The following MARCHF1 variants were observed in gnomAD, a reference collection of about 807,000 sequenced individuals.
The protein encoded by MARCHF1 is membrane associated ring-CH-type finger 1.
A neutral mutation model predicts 54.2 loss-of-function variants in MARCHF1; 40 were observed. The observed-to-expected ratio is 0.74, with a 90% confidence interval of 0.57 to 0.96. The LOEUF (loss-of-function observed/expected upper bound fraction) is 0.96. MARCHF1 is among the 40% of genes least tolerant of loss of function. MARCHF1 has a pLI of 0.00. For missense variants in MARCHF1, 586 were observed against 656.5 expected (o/e 0.89, Z 1.17); for synonymous variants, 236 against 236.3 (o/e 1.00, Z 0.01).
intron 1 of MARCHF1, among the ~76,000 whole-genome samples, chr4:164,192,102 G>A (rs548007724): frequency 6.6e-6 from 1 of 152,178 alleles, no homozygotes; most frequent in African/African-American, 2.4e-5. Context: ...ACATTGCAGT[G>A]CATTCCCAAG....
At chr4:163,843,127 T>C (rs1332575362) in intron 4 of MARCHF1, among the ~76,000 whole-genome samples, 1 of 152,202 alleles carries the variant, frequency 6.6e-6, no homozygotes, top group African/African-American at 2.4e-5. Flanking sequence ...TTTGGTTTTC[T>C]GTTCCTGTGT....
chr4:164,128,033 A>C (rs1032037003), intron 1 of MARCHF1, among the ~76,000 whole-genome samples: 1 of 152,188 alleles, frequency 6.6e-6, no homozygotes, highest in Non-Finnish European at 1.5e-5. Flanking sequence ...CAAGAATTAG[A>C]CTCATCAATA....
At chr4:164,047,754 T>C (rs945338139) in intron 2 of MARCHF1, among the ~76,000 whole-genome samples, 5 of 152,176 alleles carry the variant, frequency 3.3e-5, no homozygotes, top group African/African-American at 1.2e-4. Context: ...AAATCCAGAG[T>C]AAAATGACTT....
intron 5 of MARCHF1, among the ~76,000 whole-genome samples, chr4:163,632,269 C>T (rs902476624): frequency 4.6e-5 from 7 of 152,132 alleles, no homozygotes; most frequent in South Asian, 2.1e-4. Context: ...GGAACAGCTC[C>T]GGTCTACAGC....
At chr4:164,218,095 A>G (rs1579631948) in intron 1 of MARCHF1, among the ~76,000 whole-genome samples, 2 of 152,182 alleles carry the variant, frequency 1.3e-5, no homozygotes, top group Admixed American at 1.3e-4. Flanking sequence ...AACGTGCTAA[A>G]TTTCCCTGCA....
intron 2 of MARCHF1, among the ~76,000 whole-genome samples, chr4:164,005,074 T>C (rs1683533215): frequency 6.7e-6 from 1 of 149,870 alleles, no homozygotes; most frequent in African/African-American, 2.5e-5. Flanking sequence ...GATAAATAAA[T>C]CAAAAGAAAA....
intron 1 of MARCHF1, among the ~76,000 whole-genome samples, chr4:164,195,913 T>C (rs1436894416): frequency 6.6e-6 from 1 of 152,194 alleles, no homozygotes; most frequent in Non-Finnish European, 1.5e-5. Flanking sequence ...TAATAACTGC[T>C]TTATTACTAG....
intron 5 of MARCHF1, among the ~76,000 whole-genome samples, chr4:163,678,651 C>T (rs1272462785): frequency 1.3e-5 from 2 of 152,146 alleles, no homozygotes; most frequent in African/African-American, 2.4e-5. Flanking sequence ...ATAAAGCTGA[C>T]AGTAGTGCAT....
chr4:164,363,709 C>T (rs1009778405), intron 1 of MARCHF1, among the ~76,000 whole-genome samples: 2 of 151,808 alleles, frequency 1.3e-5, no homozygotes, highest in East Asian at 3.9e-4. Context: ...TAAACAAAAC[C>T]GTCATTCAAT....
At chr4:163,965,500 G>A (rs1010928169) in intron 3 of MARCHF1, among the ~76,000 whole-genome samples, 1 of 151,994 alleles carries the variant, frequency 6.6e-6, no homozygotes, top group African/African-American at 2.4e-5. Flanking sequence ...CAGAGTCTGG[G>A]TTCCTTATGG....
chr4:164,377,457 A>G (rs1731225073), intron 1 of MARCHF1, among the ~76,000 whole-genome samples: 1 of 152,194 alleles, frequency 6.6e-6, no homozygotes, highest in Non-Finnish European at 1.5e-5. Context: ...GAAAAATAGG[A>G]CAGTTGTTTC....
intron 4 of MARCHF1, among the ~76,000 whole-genome samples, chr4:163,754,012 GT>G (rs1173731657): frequency 6.6e-6 from 1 of 152,184 alleles, no homozygotes; most frequent in Non-Finnish European, 1.5e-5. Flanking sequence ...AAGACTCTTG[GT>G]TGCAAGGGAT....
chr4:163,613,246 G>T, intron 6 of MARCHF1, 68 bp downstream of exon 6: 1 of 1,488,758 alleles, frequency 6.7e-7, no homozygotes, highest in Non-Finnish European at 9.0e-7. Flanking sequence ...CACATTCTCA[G>T]AACAAACAAC....
intron 1 of MARCHF1, among the ~76,000 whole-genome samples, chr4:164,193,966 G>A (rs754344737): frequency 2.8e-4 from 42 of 152,134 alleles, no homozygotes; most frequent in Non-Finnish European, 5.7e-4. Context: ...GCACATTCTA[G>A]TCTAAAACTC....
chr4:164,197,633 T>A, intron 1 of MARCHF1: 1 of 1,613,070 alleles, frequency 6.2e-7, no homozygotes, highest in Non-Finnish European at 8.5e-7. Flanking sequence ...TTCGACCGAC[T>A]GTTGTCCAGG....
At chr4:164,143,251 G>A (rs1227753922) in intron 1 of MARCHF1, among the ~76,000 whole-genome samples, 3 of 151,562 alleles carry the variant, frequency 2.0e-5, no homozygotes, top group Admixed American at 1.3e-4. Flanking sequence ...ACACTCTGCA[G>A]GATATTATCC....
chr4:163,968,873 C>T (rs1170714285), intron 3 of MARCHF1, among the ~76,000 whole-genome samples: 1 of 152,124 alleles, frequency 6.6e-6, no homozygotes, highest in Non-Finnish European at 1.5e-5. Context: ...TATCCAAAAT[C>T]ACTGTGTCTA....
intron 1 of MARCHF1, among the ~76,000 whole-genome samples, chr4:164,158,016 G>A (rs1470737471): frequency 6.6e-6 from 1 of 152,056 alleles, no homozygotes; most frequent in Non-Finnish European, 1.5e-5. Flanking sequence ...ACTATTCTTA[G>A]TAATTGCTTC....
intron 3 of MARCHF1, among the ~76,000 whole-genome samples, chr4:163,966,478 T>C (rs1752446547): frequency 6.6e-6 from 1 of 152,082 alleles, no homozygotes; most frequent in African/African-American, 2.4e-5. Context: ...TTTATTGAAC[T>C]AGATGCTCAG....
Sources: allele counts gnomAD v4.1 joint callset (sites outside exome capture counted in the v4.1 genomes callset), GRCh38; gene constraint gnomAD v4.1.1; transcripts MANE v1.5; gene names NCBI Gene and HGNC (gene_info 2026-07-23, HGNC 2026-07-21).